DPP10: variants seen among roughly 807,000 people sequenced by gnomAD.
DPP10 encodes the protein inactive dipeptidyl peptidase 10.
Under a neutral mutation model 120.9 loss-of-function variants are expected in DPP10, and 33 were observed. The ratio of observed to expected loss-of-function variants is 0.27; its 90% confidence interval spans 0.21 to 0.37. DPP10 has a LOEUF of 0.37. DPP10 is among the 10% of genes least tolerant of loss of function. The probability of loss-of-function intolerance (pLI) is 1.00; values close to 1 mark genes in which losing one functional copy is unlikely to be tolerated. For missense variants in DPP10, 816 were observed against 942.8 expected, an observed-to-expected ratio of 0.87 and a Z score of 1.76; for synonymous variants, 337 against 326.1, an observed-to-expected ratio of 1.03 and a Z score of -0.36.
chr2:115,328,274 A>C (rs1046340629), intron 2 of DPP10, among the ~76,000 whole-genome samples: 2 of 152,106 alleles, frequency 1.3e-5, no homozygotes, highest in Non-Finnish European at 2.9e-5. Context: ...GAAAGCTTAC[A>C]TACATTTCTC....
At chr2:115,023,668 A>G (rs1222190715) in intron 1 of DPP10, among the ~76,000 whole-genome samples, 3 of 152,224 alleles carry the variant, frequency 2.0e-5, no homozygotes, top group East Asian at 3.9e-4. Context: ...GAAAAAAGTT[A>G]TTATATGAAA....
intron 1 of DPP10, chr2:114,833,672 C>T (rs1301262007): frequency 1.3e-5 from 2 of 152,148 alleles, no homozygotes; most frequent in East Asian, 3.8e-4. Flanking sequence ...TGCCTCTAAG[C>T]CTCAGTTTTC....
At chr2:114,520,122 C>A (rs992561357) in intron 1 of DPP10, among the ~76,000 whole-genome samples, 5 of 152,356 alleles carry the variant, frequency 3.3e-5, no homozygotes, top group African/African-American at 1.2e-4. Flanking sequence ...AGCAGATAAT[C>A]ATCCCCTAAT....
At chr2:114,702,491 G>A (rs145147408) in intron 1 of DPP10, among the ~76,000 whole-genome samples, 7 of 151,954 alleles carry the variant, frequency 4.6e-5, no homozygotes, top group Non-Finnish European at 7.4e-5. Flanking sequence ...ACAGGCACCA[G>A]GAGATATCAG....
chr2:115,706,356 C>T (rs1412235564), intron 7 of DPP10, among the ~76,000 whole-genome samples: 1 of 151,862 alleles, frequency 6.6e-6, no homozygotes, highest in Non-Finnish European at 1.5e-5. Flanking sequence ...ATGTAAATCA[C>T]AATTTCTGTG....
At chr2:115,751,729 A>G (rs948986402) in intron 10 of DPP10, among the ~76,000 whole-genome samples, 1 of 151,872 alleles carries the variant, frequency 6.6e-6, no homozygotes, top group African/African-American at 2.4e-5. Context: ...TTGTATCAAG[A>G]GGTTATTTTT....
At chr2:114,596,547 CA>C (rs1691923833) in intron 1 of DPP10, among the ~76,000 whole-genome samples, 1 of 151,968 alleles carries the variant, frequency 6.6e-6, no homozygotes, top group South Asian at 2.1e-4. Context: ...GTATATAATG[CA>C]TCATTTTAAC....
chr2:115,745,207 C>T lies in DPP10; in HGVS notation c.853-879C>T, dbSNP rs180970427. On this transcript the variant is annotated intron_variant, in intron 9 of 25. Coordinates refer to ENST00000410059, the MANE Select transcript of DPP10 (RefSeq NM_020868.6). ...GTTAAGAACATCCTGGGTTTAAATA[C>T]TAACTTTCTCAGTTTTAGGTATTTC... 3.7e-4 allele frequency among the ~76,000 whole-genome samples: 55 copies of T among 147,030 alleles called. 1 individual carries two copies. Among genetic ancestry groups the T allele is most frequent in the Non-Finnish European group, 7.3e-4 (49 of 66,922 alleles).
chr2:115,777,769 G>A lies in DPP10; in HGVS notation c.1314-18G>A, dbSNP rs780496957. The stretch of plus-strand genomic sequence containing the variant: ...TAGATCTGTGTCTAATGCTTGTGTT[G>A]TTTTCTTTCCTGGACAGTTACTTTC... On this transcript the variant is annotated intron_variant, in intron 14 of 25. Coordinates refer to ENST00000410059, the MANE Select transcript of DPP10 (RefSeq NM_020868.6). 1 of 1,612,852 alleles carries A rather than the reference G, an allele frequency of 6.2e-7. No homozygotes were observed.
chr2:114,785,395 C>T (rs138430416), intron 1 of DPP10, among the ~76,000 whole-genome samples: 268 of 152,180 alleles, frequency 1.8e-3, no homozygotes, highest in African/African-American at 6.2e-3. Flanking sequence ...GTGACCAATT[C>T]TGCTGTCTCC....
intron 1 of DPP10, among the ~76,000 whole-genome samples, chr2:114,449,923 C>T (rs1678163569): frequency 6.6e-6 from 1 of 152,058 alleles, no homozygotes; most frequent in Non-Finnish European, 1.5e-5. Context: ...ATTGTAGTAA[C>T]ATCTGCAAGA....
intron 7 of DPP10, among the ~76,000 whole-genome samples, chr2:115,725,510 G>C (rs1042184487): frequency 5.9e-5 from 9 of 152,170 alleles, no homozygotes; most frequent in African/African-American, 2.2e-4. Context: ...CATTGAAGCA[G>C]ATGTCAGTTT....
At chr2:114,940,196 G>A (rs10496481) in intron 1 of DPP10, among the ~76,000 whole-genome samples, 5 of 152,036 alleles carry the variant, frequency 3.3e-5, no homozygotes, top group Admixed American at 6.6e-5. Context: ...ATGCACAATC[G>A]AATTTTTTCC....
At chr2:114,814,351 C>T (rs1685441766) in intron 1 of DPP10, among the ~76,000 whole-genome samples, 1 of 151,668 alleles carries the variant, frequency 6.6e-6, no homozygotes, top group South Asian at 2.1e-4. Context: ...ACTTATTATT[C>T]CCCTTCTGTT....
chr2:115,489,238 C>A (rs1398203857), intron 3 of DPP10, among the ~76,000 whole-genome samples: 3 of 151,816 alleles, frequency 2.0e-5, no homozygotes, highest in Non-Finnish European at 2.9e-5. Context: ...TAGCTGTGTT[C>A]TTTACAAAAA....
At chr2:114,553,697 T>C (rs1370605646) in intron 1 of DPP10, among the ~76,000 whole-genome samples, 1 of 152,120 alleles carries the variant, frequency 6.6e-6, no homozygotes, top group Non-Finnish European at 1.5e-5. Context: ...TATTTTTTTT[T>C]CCACAGTAGA....
chr2:115,489,156 C>T (rs1336763032), intron 3 of DPP10, among the ~76,000 whole-genome samples: 1 of 152,044 alleles, frequency 6.6e-6, no homozygotes, highest in African/African-American at 2.4e-5. Context: ...CTTTGCGGGC[C>T]ATATTTTCTC....
intron 5 of DPP10, among the ~76,000 whole-genome samples, chr2:115,669,425 C>T (rs774500439): frequency 8.5e-5 from 13 of 152,154 alleles, no homozygotes; most frequent in East Asian, 5.8e-4. Context: ...AGTCTTCCTG[C>T]GTTAATTTAA....
At position 114,513,401 on chromosome 2, in the gene DPP10, A is replaced by G. The variant is rs186724622; in HGVS notation, c.60+70563A>G. On this transcript the variant is annotated intron_variant, in intron 1 of 25. Coordinates refer to ENST00000410059, the MANE Select transcript of DPP10 (RefSeq NM_020868.6). ...CCAAGTGTGGTGGTGGGCACCTGTAATCCCAGCTACTCAGGAGGCTGAGGC... is the reference window on the plus strand; with the variant it reads ...CCAAGTGTGGTGGTGGGCACCTGTAGTCCCAGCTACTCAGGAGGCTGAGGC... Among the ~76,000 whole-genome samples, 15 of 151,882 alleles carry G rather than the reference A, an allele frequency of 9.9e-5. No individual in the cohort carries two copies. In the East Asian group the frequency reaches 2.7e-3, roughly 28 times the overall value.
Sources: gnomAD v4.1 joint callset for allele counts (sites outside exome capture counted in the v4.1 genomes callset) on GRCh38, gnomAD v4.1.1 for gene constraint, MANE v1.5 for transcripts, NCBI Gene and HGNC (gene_info 2026-07-23, HGNC 2026-07-21) for gene names.